P2RX7: variants seen among roughly 807,000 people sequenced by gnomAD.
P2RX7 encodes the protein purinergic receptor P2X 7, also known as P2X purinoceptor 7.
P2RX7 carries 62 observed loss-of-function variants against 71.6 expected under a neutral mutation model. The observed-to-expected ratio is 0.87, with a 90% CI of 0.71 to 1.07. The LOEUF is 1.07. Among genes scored for constraint, P2RX7 ranks in the 50% least tolerant of loss-of-function variants. The pLI is 0.00. For missense variants in P2RX7, 686 were observed against 748.5 expected (o/e 0.92, Z 0.97); for synonymous variants, 299 against 283.3 (o/e 1.06, Z -0.56).
In P2RX7 at chr12:121,175,238, C is replaced by T. The variant is rs991404451; in HGVS notation, c.882-150C>T. On this transcript the variant is annotated intron_variant, in intron 8 of 12. Transcript: ENST00000328963. ...AGGTGGGAGAATCATCTGAGCCTAGCAAGTCAAGGCTGCAGTGAGTGGTAA... is the reference window on the plus strand; with the variant it reads ...AGGTGGGAGAATCATCTGAGCCTAGTAAGTCAAGGCTGCAGTGAGTGGTAA... The T allele has an allele frequency of 5.6e-6, 3 of 534,858 alleles. No individual in the cohort carries two copies. In the African/African-American group the frequency reaches 5.9e-5, roughly 11 times the overall value. The allele number at this position is 534,858 out of a possible 1,614,324, so 33.1% of individuals were successfully genotyped here.
intron 1 of P2RX7, among the ~76,000 whole-genome samples, chr12:121,136,492 A>T (rs1873695121): frequency 6.7e-6 from 1 of 148,516 alleles, no homozygotes; most frequent in Non-Finnish European, 1.5e-5. Flanking sequence ...CTAATTTTTT[A>T]TTTTTTTTTG....
At position 121,175,478 on chromosome 12, in the gene P2RX7, C is replaced by A; in HGVS notation, c.972C>A (p.Thr324=). Residue 324 remains threonine, a splice_region_variant and synonymous_variant, in exon 9 of 13, where the codon ACC becomes ACA. Coordinates refer to ENST00000328963, the MANE Select transcript of P2RX7 (RefSeq NM_002562.6). ...GIRFDILVFG[T]GGKFDIIQLV... is the part of the protein sequence containing the mutation. ...GTTTTGACATCCTGGTTTTTGGCAC[C>A]GTAAGTCTCGTTTCCCAGCTCCGGG... The A allele has an allele frequency of 7.9e-7, 1 of 1,268,764 alleles. No individual in the cohort carries two copies. The highest frequency in any genetic ancestry group is 1.2e-6 in the Non-Finnish European group (1 of 864,646). The allele number at this position is 1,268,764 out of a possible 1,614,324, so 78.6% of individuals were successfully genotyped here. A position where few individuals can be genotyped will look rare whatever the true frequency, so the allele number is the denominator to read the frequency against.
chr12:121,155,288 A>T, intron 2 of P2RX7: 1 of 1,324,090 alleles, frequency 7.6e-7, no homozygotes, highest in Non-Finnish European at 9.9e-7. Flanking sequence ...ATTCAGAAGG[A>T]CAGAGAACTT....
chr12:121,180,209 C>A, intron 11 of P2RX7, 145 bp from the exon 12 acceptor site: 3 of 305,770 alleles, frequency 9.8e-6, no homozygotes, highest in Non-Finnish European at 1.8e-5. Flanking sequence ...ACTCAGAAAT[C>A]ATTAATTCTT....
intron 4 of P2RX7, among the ~76,000 whole-genome samples, chr12:121,161,658 GGCACACGCTTATAATCCCA>G (rs900306831): frequency 1.3e-5 from 2 of 151,840 alleles, no homozygotes; most frequent in Non-Finnish European, 2.9e-5. Flanking sequence ...CAGACATGGT[GGCACACGCTTATAATCCCA>G]GCTACTTGGG....
At chr12:121,183,383 C>T (rs1407152106) in intron 12 of P2RX7, among the ~76,000 whole-genome samples, 1 of 150,922 alleles carries the variant, frequency 6.6e-6, no homozygotes, top group African/African-American at 2.4e-5. Context: ...CCAGCCTGGC[C>T]AATATGGTGA....
chr12:121,174,897 G>A (rs904367075), intron 8 of P2RX7, among the ~76,000 whole-genome samples: 1 of 152,066 alleles, frequency 6.6e-6, no homozygotes, highest in East Asian at 1.9e-4. Flanking sequence ...GGTTCCAGGT[G>A]GTTGGAGAGA....
At chr12:121,141,188 C>G (rs543190765) in intron 1 of P2RX7, among the ~76,000 whole-genome samples, 1 of 152,306 alleles carries the variant, frequency 6.6e-6, no homozygotes, top group East Asian at 1.9e-4. Context: ...CACCAAAACA[C>G]CAAAATAGCT....
chr12:121,150,218 T>G (rs1877105126), intron 1 of P2RX7, among the ~76,000 whole-genome samples: 1 of 152,258 alleles, frequency 6.6e-6, no homozygotes, highest in African/African-American at 2.4e-5. Context: ...ATTCCCTTTT[T>G]GTCTTTGACG....
chr12:121,161,683 T>C (rs755144235), intron 4 of P2RX7, among the ~76,000 whole-genome samples: 14 of 151,570 alleles, frequency 9.2e-5, no homozygotes, highest in Non-Finnish European at 1.9e-4. Flanking sequence ...TCCCAGCTAC[T>C]TGGGAGGCTG....
chr12:121,142,803 C>T (rs1026069743), intron 1 of P2RX7, among the ~76,000 whole-genome samples: 8 of 152,110 alleles, frequency 5.3e-5, no homozygotes, highest in Non-Finnish European at 5.9e-5. Context: ...AAATCGTTAA[C>T]TTTGGCCAGG....
intron 8 of P2RX7, among the ~76,000 whole-genome samples, chr12:121,168,618 C>A (rs1343887797): frequency 6.6e-6 from 1 of 152,166 alleles, no homozygotes; most frequent in Non-Finnish European, 1.5e-5. Context: ...ATCCCTAAAT[C>A]TCCCAACAAC....
At chr12:121,150,975 C>T (rs1210175475) in intron 1 of P2RX7, among the ~76,000 whole-genome samples, 1 of 152,204 alleles carries the variant, frequency 6.6e-6, no homozygotes, top group East Asian at 1.9e-4. Context: ...CACCCACGTA[C>T]CACCATCCAA....
At chr12:121,163,644 G>C (rs921042463) in intron 5 of P2RX7, among the ~76,000 whole-genome samples, 2 of 116,776 alleles carry the variant, frequency 1.7e-5, no homozygotes, top group Non-Finnish European at 3.7e-5. Context: ...TAGATAGATA[G>C]ATAGAGTTTT....
At chr12:121,161,789 TAA>T (rs11443206) in intron 4 of P2RX7, among the ~76,000 whole-genome samples, 14 of 119,462 alleles carry the variant, frequency 1.2e-4, no homozygotes, top group Admixed American at 1.8e-4. Context: ...GAGACCCCTT[TAA>T]AAAAAAAAAA....
chr12:121,166,752 T>A (rs752031695), intron 7 of P2RX7, among the ~76,000 whole-genome samples: 6 of 151,986 alleles, frequency 3.9e-5, no homozygotes, highest in Non-Finnish European at 7.4e-5. Context: ...CTCAAGATCC[T>A]TCATTTAGGC....
At position 121,154,290 on chromosome 12, in the gene P2RX7, C is replaced by CAAA. The variant is rs58387580; in HGVS notation, c.126-484_126-482dup. On this transcript the variant is annotated intron_variant, in intron 1 of 12. Transcript: ENST00000328963. This position sits in a 1 kb window ranked among gnomAD's most constrained non-coding sequence, Gnocchi z 4.2. The stretch of plus-strand genomic sequence containing the variant: ...GGGCAACAAGAGCAAAACTCTGTTT[C>CAAA]AAAAAAAAAAAAAGAGAGAGAGAGA... Among the ~76,000 whole-genome samples the CAAA allele has an allele frequency of 7.8e-6, 1 of 127,788 alleles. No homozygotes were observed. The allele number at this position is 127,788 out of a possible 152,430, so 83.8% of individuals were successfully genotyped here.
intron 12 of P2RX7, 122 bp from the exon 13 acceptor site, chr12:121,184,183 A>G: frequency 8.2e-7 from 1 of 1,222,530 alleles, no homozygotes; most frequent in South Asian, 1.7e-5. Flanking sequence ...ATCTACACCT[A>G]ATAAATGACG....
intron 1 of P2RX7, among the ~76,000 whole-genome samples, chr12:121,153,576 G>C (rs1877926393): frequency 6.6e-6 from 1 of 152,142 alleles, no homozygotes; most frequent in Admixed American, 6.5e-5. Flanking sequence ...TACTCGGAAG[G>C]CTGAGGCAGG....
Sources: gnomAD v4.1 joint callset for allele counts (sites outside exome capture counted in the v4.1 genomes callset) on GRCh38, gnomAD v4.1.1 for gene constraint, Gnocchi (gnomAD v3.1) non-coding constraint, MANE v1.5 for transcripts, NCBI Gene and HGNC (gene_info 2026-07-23, HGNC 2026-07-21) for gene names.